The following AP4B1 variants were observed in gnomAD, a reference collection of about 807,000 sequenced individuals.
AP4B1 encodes AP-4 complex subunit beta-1.
AP4B1 carries 49 observed loss-of-function variants against 76.5 expected under a neutral mutation model. That is an observed-to-expected ratio of 0.64 (90% CI 0.51 to 0.81). The LOEUF (loss-of-function observed/expected upper bound fraction) is 0.81. Among genes scored for constraint, AP4B1 ranks in the 40% least tolerant of loss-of-function variants. The pLI is 0.00. For missense variants in AP4B1, 911 were observed against 904.9 expected (o/e 1.01, Z -0.09); for synonymous variants, 330 against 333.3 (o/e 0.99, Z 0.11).
In AP4B1 at chr1:113,896,238, T is replaced by C; in HGVS notation, c.1510+20A>G. The C allele has an allele frequency of 1.9e-6, 3 of 1,613,598 alleles. No homozygotes were observed. The highest frequency in any genetic ancestry group is 2.5e-6 in the Non-Finnish European group (3 of 1,179,490). On this transcript the variant is annotated intron_variant, in intron 8 of 9. Transcript: ENST00000369569. Reference sequence around the variant, plus strand: ...TTACTATGGGTCATGGCAAATACTATTTCCTTCTGAAAAACCCACCTATGC... The same window carrying C: ...TTACTATGGGTCATGGCAAATACTACTTCCTTCTGAAAAACCCACCTATGC...
intron 7 of AP4B1, 155 bp from the exon 8 acceptor site, chr1:113,896,620 T>C (rs1571537735): frequency 2.9e-6 from 2 of 692,432 alleles, no homozygotes; most frequent in African/African-American, 3.6e-5. Flanking sequence ...CCCCGTACTA[T>C]ACTCTCTACA....
At position 113,894,290 on chromosome 1, in the gene AP4B1, C is replaced by T. The variant is rs1053236496; in HGVS notation, c.*775G>A. 3.9e-5 allele frequency among the ~76,000 whole-genome samples: 6 copies of T among 152,176 alleles called. No homozygotes were observed. The highest frequency in any genetic ancestry group is 1.4e-4 in the African/African-American group (6 of 41,416). On this transcript the variant is annotated 3_prime_UTR_variant, in exon 10 of 10. Coordinates refer to ENST00000369569, the MANE Select transcript of AP4B1 (RefSeq NM_001253852.3). ...ATAAGAACAGAATAAAAATTGAGGA[C>T]AAGCAACAAGAAAACAATTACAATA...
chr1:113,895,789 T>G lies in AP4B1; in HGVS notation c.1760A>C (p.Glu587Ala). The G allele has an allele frequency of 6.2e-7, 1 of 1,614,230 alleles. No individual in the cohort carries two copies. Among genetic ancestry groups the G allele is most frequent in the Non-Finnish European group, 8.5e-7 (1 of 1,180,042 alleles). Residue 587 changes from glutamate to alanine, a missense_variant, in exon 9 of 10, where the codon GAG (glutamate) becomes GCG (alanine). Coordinates refer to ENST00000369569, the MANE Select transcript of AP4B1 (RefSeq NM_001253852.3). ...KCQGAERCDP[E>A]LPKTSSFAAS... ...GGCAAAGGATGAAGTTTTAGGAAGC[T>G]CTGGGTCACAACGCTCTGCCCCCTG...
chr1:113,895,471 T>C lies in AP4B1; in HGVS notation c.1814A>G (p.Asn605Ser). ...AGGGAGTTCTTGTACCCTCTCCTTG[T>C]TCTCTTCAGGAATCAAGGGTCCTAA... ...AASGPLIPEE[N>S]KERVQELPDS... The change falls in exon 10 of 10, where the codon AAC becomes AGC. Residue 605 changes from asparagine (N) to serine (S), a missense_variant. Coordinates refer to ENST00000369569, the MANE Select transcript of AP4B1 (RefSeq NM_001253852.3). 1 of 1,614,234 alleles carries C rather than the reference T, an allele frequency of 6.2e-7. No homozygotes were observed. Among genetic ancestry groups the C allele is most frequent in the East Asian group, 2.2e-5 (1 of 44,888 alleles).
In AP4B1 at chr1:113,896,388, A is replaced by G; in HGVS notation, c.1380T>C (p.Phe460=). ...IPNAPYVLED[F]VENVKSETFP... ...ATGTTTCCGACTTCACATTCTCAAC[A>G]AAGTCCTCTAACACATAAGGAGCAT... The change falls in exon 8 of 10, where the codon TTT becomes TTC. Residue 460 remains phenylalanine, a synonymous_variant. Coordinates refer to ENST00000369569, the MANE Select transcript of AP4B1 (RefSeq NM_001253852.3). 1 of 1,614,214 alleles carries G rather than the reference A, an allele frequency of 6.2e-7. No homozygotes were observed. The highest frequency in any genetic ancestry group is 1.1e-5 in the South Asian group (1 of 91,088).
chr1:113,898,876 G>A (rs1229033832), intron 5 of AP4B1, 75 bp from the exon 6 acceptor site: 4 of 1,115,802 alleles, frequency 3.6e-6, no homozygotes, highest in Non-Finnish European at 5.3e-6. Flanking sequence ...TCTCCCACCA[G>A]TGAAAGACAA....
At position 113,900,053 on chromosome 1, in the gene AP4B1, T is replaced by A. The variant is rs749038993; in HGVS notation, c.965A>T (p.Tyr322Phe). 2.3e-5 allele frequency: 37 copies of A among 1,613,990 alleles called. No individual in the cohort carries two copies. The South Asian group carries it at 4.1e-4, about 18-fold the overall frequency. ...TAGTTTGATGTAGTGGGGCTCCGAGTAGGAGCAAAAAAACTTTTTGTAGTG... is the reference window on the plus strand; with the variant it reads ...TAGTTTGATGTAGTGGGGCTCCGAGAAGGAGCAAAAAAACTTTTTGTAGTG... Reference protein sequence around the residue: ...SSHYKKFFCSYSEPHYIKLQK... With the variant: ...SSHYKKFFCSFSEPHYIKLQK... The change falls in exon 5 of 10, where the codon TAC becomes TTC. Residue 322 changes from tyrosine (Y) to phenylalanine (F), a missense_variant. Transcript: ENST00000369569.
In AP4B1 at chr1:113,904,620, A is replaced by C; in HGVS notation, c.98T>G (p.Ile33Ser). The change falls in exon 1 of 10, where the codon ATC (isoleucine) becomes AGC (serine). Residue 33 changes from isoleucine to serine, a missense_variant. By Grantham distance (142) the Ile-to-Ser change is moderately radical (BLOSUM62 -2). Transcript: ENST00000369569. ...TAGGTGATACCTAATCACTCGCTGG[A>C]TGACATTCCGGTAGCGCAGCCTATC... ...QADRLRYRNV[I>S]QRVIRYMTQG... The C allele has an allele frequency of 6.2e-7, 1 of 1,613,968 alleles. No individual in the cohort carries two copies. The highest frequency in any genetic ancestry group is 8.5e-7 in the Non-Finnish European group (1 of 1,179,980).
Position 113,894,705 on chromosome 1 carries a change from C to A in AP4B1, c.*360G>T. On this transcript the variant is annotated 3_prime_UTR_variant, in exon 10 of 10. Transcript: ENST00000369569. ...CAGTTAGGAATTTACTATAATAATC[C>A]AGGGAAGAAAAGATGACCCCCACAA... The A allele has an allele frequency of 4.0e-6, 1 of 252,370 alleles. No homozygotes were observed. Among genetic ancestry groups the A allele is most frequent in the Non-Finnish European group, 7.7e-6 (1 of 129,562 alleles). 15.6% of individuals were successfully genotyped at this position (252,370 alleles called of 1,614,324 possible).
intron 4 of AP4B1, 37 bp from the exon 5 acceptor site, chr1:113,900,437 A>G (rs771254930): frequency 1.4e-5 from 23 of 1,611,556 alleles, no homozygotes; most frequent in Non-Finnish European, 1.9e-5. Flanking sequence ...TATTTTAGCA[A>G]CAAAATTAGG....
At position 113,894,209 on chromosome 1, in the gene AP4B1, C is replaced by A. The variant is rs1199776278; in HGVS notation, c.*856G>T. Among the ~76,000 whole-genome samples the A allele has an allele frequency of 1.3e-5, 2 of 152,204 alleles. No individual in the cohort carries two copies. Among genetic ancestry groups the A allele is most frequent in the South Asian group, 2.1e-4 (1 of 4,832 alleles). On this transcript the variant is annotated 3_prime_UTR_variant, in exon 10 of 10. Transcript: ENST00000369569. ...GGATTCGCTATTTATATTTTACCATCATTTTATTAGATTTGTTCTTGCCAT... is the reference window on the plus strand; with the variant it reads ...GGATTCGCTATTTATATTTTACCATAATTTTATTAGATTTGTTCTTGCCAT...
At chr1:113,904,484 A>G in intron 1 of AP4B1, 121 bp downstream of exon 1, 1 of 922,334 alleles carries the variant, frequency 1.1e-6, no homozygotes, top group South Asian at 1.3e-5. Flanking sequence ...CAGGACGAAG[A>G]CCGAACCATA....
At chr1:113,901,116 A>G (rs1476451801) in intron 4 of AP4B1, 120 bp downstream of exon 4, 7 of 1,344,958 alleles carry the variant, frequency 5.2e-6, no homozygotes, top group Non-Finnish European at 7.3e-6. Flanking sequence ...TCAAATAATA[A>G]TAATAATAAT....
chr1:113,895,345 G>A lies in AP4B1; in HGVS notation c.1940C>T (p.Pro647Leu). The A allele has an allele frequency of 6.2e-7, 1 of 1,614,148 alleles. No homozygotes were observed. Residue 647 changes from proline (P) to leucine (L), a missense_variant, in exon 10 of 10, where the codon CCT becomes CTT. Pro to Leu is a moderately conservative substitution (Grantham distance 98). Transcript: ENST00000369569. The part of the protein sequence containing the change: ...SLKVAHQQVL[P>L]WRGEFHPDTL... Reference sequence around the variant, plus strand: ...GTCAGGATGGAATTCTCCCCGCCAAGGCAACACTTGCTGATGAGCAACTTT... The same window carrying A: ...GTCAGGATGGAATTCTCCCCGCCAAAGCAACACTTGCTGATGAGCAACTTT...
chr1:113,897,994 G>C (rs750182740), intron 6 of AP4B1, 51 bp from the exon 7 acceptor site: 10 of 1,612,800 alleles, frequency 6.2e-6, no homozygotes, highest in Admixed American at 5.0e-5. Context: ...CTCCAGGTAG[G>C]CAGGAATCTT....
rs1315805743 is a variant in AP4B1 at position 113,902,791 on chromosome 1, A to G, written c.185T>C (p.Ile62Thr). 2.5e-6 allele frequency: 4 copies of G among 1,614,122 alleles called. No individual in the cohort carries two copies. Among genetic ancestry groups the G allele is most frequent in the Middle Eastern group, 1.6e-4 (1 of 6,084 alleles). The change falls in exon 2 of 10, where the codon ATT becomes ACT. Residue 62 changes from isoleucine to threonine, a missense_variant. Physicochemically the swap from Ile to Thr is moderately conservative, Grantham distance 89. Coordinates refer to ENST00000369569, the MANE Select transcript of AP4B1 (RefSeq NM_001253852.3). ...CAGATAAACCAACTTCTTCTGGACA[A>G]TATCTACAGTGGCACTGGCCTTCAC... ...EMVKASATVD[I>T]VQKKLVYLYM...
chr1:113,898,903 TAA>T (rs369298592), intron 5 of AP4B1, 102 bp from the exon 6 acceptor site: 2,310 of 727,940 alleles, frequency 3.2e-3, no homozygotes, highest in South Asian at 3.7e-3. Context: ...CAGAATTATC[TAA>T]AAAAAAAAAA....
chr1:113,904,107 T>A (rs1377313357), intron 1 of AP4B1, among the ~76,000 whole-genome samples: 1 of 152,186 alleles, frequency 6.6e-6, no homozygotes, highest in Non-Finnish European at 1.5e-5. Context: ...CAAGAGAGGA[T>A]GGATATTTAG....
At position 113,900,469 on chromosome 1, in the gene AP4B1, T is replaced by G. The variant is rs539673195; in HGVS notation, c.618-69A>C. 1.2e-5 allele frequency: 19 copies of G among 1,564,132 alleles called. No individual in the cohort carries two copies. The East Asian group carries it at 4.3e-4, about 36-fold the overall frequency. ...TAGGACCATTTCCATGCCACTGCCATATGACCAGGTGGTTGTTCATCATAG... is the reference window on the plus strand; with the variant it reads ...TAGGACCATTTCCATGCCACTGCCAGATGACCAGGTGGTTGTTCATCATAG... On this transcript the variant is annotated intron_variant, in intron 4 of 9. Coordinates refer to ENST00000369569, the MANE Select transcript of AP4B1 (RefSeq NM_001253852.3).
Sources: allele counts gnomAD v4.1 joint callset (sites outside exome capture counted in the v4.1 genomes callset), GRCh38; gene constraint gnomAD v4.1.1; transcripts MANE v1.5; gene names NCBI Gene and HGNC (gene_info 2026-07-23, HGNC 2026-07-21).